IL1R1: variants seen among roughly 807,000 people sequenced by gnomAD.
IL1R1 encodes interleukin-1 receptor type 1.
A neutral mutation model predicts 50.2 loss-of-function variants in IL1R1; 22 were observed. The observed-to-expected ratio is 0.44, with a 90% CI of 0.31 to 0.63. The LOEUF is 0.63. IL1R1 is among the 20% of genes least tolerant of loss of function. The pLI is 0.07. For missense variants in IL1R1, 509 were observed against 676.2 expected, an observed-to-expected ratio of 0.75 and a Z score of 2.74; for synonymous variants, 251 against 236.7, an observed-to-expected ratio of 1.06 and a Z score of -0.55.
At chr2:102,110,648 A>G (rs1680704837) in intron 1 of IL1R1, among the ~76,000 whole-genome samples, 1 of 151,584 alleles carries the variant, frequency 6.6e-6, no homozygotes, top group Admixed American at 6.6e-5. Flanking sequence ...CTCTCGTGGC[A>G]AATACAACAG....
upstream of IL1R1, among the ~76,000 whole-genome samples, chr2:102,138,699 GA>G (rs1682478640): frequency 6.6e-6 from 1 of 152,134 alleles, no homozygotes; most frequent in Non-Finnish European, 1.5e-5. Context: ...TCAGCAGATG[GA>G]AAATGTATGA....
chr2:102,111,643 C>A (rs114015863), intron 1 of IL1R1, among the ~76,000 whole-genome samples: 12 of 152,072 alleles, frequency 7.9e-5, no homozygotes, highest in Admixed American at 3.9e-4. Flanking sequence ...AGTCCATCTG[C>A]GAGATAGAAT....
chr2:102,087,951 A>G (rs1202052784), intron 1 of IL1R1, among the ~76,000 whole-genome samples: 1 of 152,136 alleles, frequency 6.6e-6, no homozygotes, highest in African/African-American at 2.4e-5. Context: ...CATTCATCCA[A>G]ATTTGGTCAT....
intron 1 of IL1R1, among the ~76,000 whole-genome samples, chr2:102,073,971 C>T (rs536873116): frequency 1.1e-4 from 16 of 152,122 alleles, no homozygotes; most frequent in African/African-American, 2.9e-4. Context: ...TCCAATCGAA[C>T]GTCTCAGTAG....
At chr2:102,133,099 C>A (rs1682128137) in intron 1 of IL1R1, among the ~76,000 whole-genome samples, 1 of 152,060 alleles carries the variant, frequency 6.6e-6, no homozygotes, top group Admixed American at 6.6e-5. Flanking sequence ...AAAAAATTAG[C>A]TGGACATGGT....
At chr2:102,086,609 T>A (rs998402603) in intron 1 of IL1R1, among the ~76,000 whole-genome samples, 1 of 152,120 alleles carries the variant, frequency 6.6e-6, no homozygotes, top group Non-Finnish European at 1.5e-5. Flanking sequence ...TTCAACAGAC[T>A]TTTTTTCTTT....
At chr2:102,102,134 T>A (rs182819679), upstream of IL1R1, among the ~76,000 whole-genome samples, 2 of 152,284 alleles carry the variant, frequency 1.3e-5, no homozygotes, top group Non-Finnish European at 1.5e-5. Flanking sequence ...GAACTAATAA[T>A]CTGCCAATTA....
intron 7 of IL1R1, among the ~76,000 whole-genome samples, chr2:102,169,356 A>G (rs1388892299): frequency 2.6e-5 from 4 of 152,264 alleles, no homozygotes; most frequent in Non-Finnish European, 4.4e-5. Flanking sequence ...AGTTATGGAC[A>G]TGTACAATTA....
At chr2:102,152,383 T>C (rs2104498035) in intron 1 of IL1R1, among the ~76,000 whole-genome samples, 1 of 151,402 alleles carries the variant, frequency 6.6e-6, no homozygotes, top group East Asian at 2.0e-4. Context: ...CAGGCACCTG[T>C]AGTCCCAGCT....
chr2:102,083,944 A>T (rs199873830), intron 1 of IL1R1, among the ~76,000 whole-genome samples: 1 of 28,664 alleles, frequency 3.5e-5, no homozygotes, highest in African/African-American at 1.4e-4. Flanking sequence ...ACTCCGCCTC[A>T]AAAAAAAAAA....
upstream of IL1R1, among the ~76,000 whole-genome samples, chr2:102,104,278 A>G (rs1367530499): frequency 6.6e-6 from 1 of 152,112 alleles, no homozygotes; most frequent in Non-Finnish European, 1.5e-5. Flanking sequence ...AGATTGCTCT[A>G]AGGATTGGGA....
intron 6 of IL1R1, among the ~76,000 whole-genome samples, chr2:102,167,123 G>A (rs976913126): frequency 2.0e-5 from 3 of 152,062 alleles, no homozygotes; most frequent in African/African-American, 7.2e-5. Flanking sequence ...GTTATGCTGG[G>A]ACAACAGGTA....
chr2:102,124,846 G>A (rs1161589296), intron 1 of IL1R1, among the ~76,000 whole-genome samples: 8 of 152,038 alleles, frequency 5.3e-5, no homozygotes, highest in Admixed American at 5.2e-4. Context: ...AACCTGGGAG[G>A]CGGGGGTTGC....
chr2:102,164,687 TAATC>T, intron 3 of IL1R1, 83 bp from the exon 4 acceptor site: 1 of 793,872 alleles, frequency 1.3e-6, no homozygotes, highest in South Asian at 1.7e-5. Context: ...ATGTATTTAA[TAATC>T]AATGTGTTTC....
intron 2 of IL1R1, among the ~76,000 whole-genome samples, chr2:102,154,619 G>A (rs1268276648): frequency 6.6e-6 from 1 of 152,058 alleles, no homozygotes; most frequent in South Asian, 2.1e-4. Context: ...ACTGCAGCTG[G>A]CCCAGCCCTC....
At chr2:102,172,324 G>A (rs1056019557) in intron 8 of IL1R1, 1 of 985,136 alleles carries the variant, frequency 1.0e-6, no homozygotes, top group Non-Finnish European at 1.2e-6. Context: ...GGATCTCCTG[G>A]CTTCCCATGA....
chr2:102,143,476 A>G (rs1682852748), intron 1 of IL1R1, among the ~76,000 whole-genome samples: 1 of 152,196 alleles, frequency 6.6e-6, no homozygotes, highest in Non-Finnish European at 1.5e-5. Flanking sequence ...GCTACAAGCA[A>G]GTAGGCGCTG....
intron 1 of IL1R1, among the ~76,000 whole-genome samples, chr2:102,084,473 C>T (rs1163611435): frequency 2.0e-5 from 3 of 152,244 alleles, no homozygotes; most frequent in East Asian, 1.9e-4. Flanking sequence ...ATGATTTTAT[C>T]GCCCCGTACA....
chr2:102,112,314 G>GTA (rs1251503937), intron 1 of IL1R1, among the ~76,000 whole-genome samples: 46 of 61,368 alleles, frequency 7.5e-4, no homozygotes, highest in Admixed American at 1.9e-3. Context: ...GGATTAACGT[G>GTA]TGTGTGTGTG....
Sources: allele counts gnomAD v4.1 joint callset (sites outside exome capture counted in the v4.1 genomes callset), GRCh38; gene constraint gnomAD v4.1.1; transcripts MANE v1.5; gene names NCBI Gene and HGNC (gene_info 2026-07-23, HGNC 2026-07-21).